DLGAP2: variants seen among roughly 807,000 people sequenced by gnomAD.
DLGAP2 encodes disks large-associated protein 2.
A neutral mutation model predicts 100.3 loss-of-function variants in DLGAP2; 26 were observed. The ratio of observed to expected loss-of-function variants is 0.26; its 90% CI spans 0.19 to 0.36. The LOEUF is 0.36. Ranked by LOEUF, DLGAP2 falls within the 10% of genes least tolerant of loss-of-function variation. DLGAP2 has a pLI of 1.00. For missense variants in DLGAP2, 1,858 were observed against 1,453.2 expected, an observed-to-expected ratio of 1.28 and a Z score of -4.53; for synonymous variants, 886 against 630.1, an observed-to-expected ratio of 1.41 and a Z score of -6.08.
At position 1,311,955 on chromosome 8, in the gene DLGAP2, A is replaced by G. The variant is rs1257055845; in HGVS notation, c.106+53072A>G. Among the ~76,000 whole-genome samples the G allele has an allele frequency of 2.0e-5, 3 of 152,350 alleles. No individual in the cohort carries two copies. In the East Asian group the frequency reaches 5.8e-4, roughly 29 times the overall value. On this transcript the variant is annotated intron_variant, in intron 3 of 14. Transcript: ENST00000637795. Reference sequence around the variant, plus strand: ...TAGATGAGTCCACCATTAATGCTGGAGATTTTGAGTGTCTGCTCTCAGTAA... The same window carrying G: ...TAGATGAGTCCACCATTAATGCTGGGGATTTTGAGTGTCTGCTCTCAGTAA...
At chr8:1,431,601 TAA>T (rs1371262641) in intron 3 of DLGAP2, among the ~76,000 whole-genome samples, 1 of 152,200 alleles carries the variant, frequency 6.6e-6, no homozygotes, top group African/African-American at 2.4e-5. Context: ...TCCACCTGTA[TAA>T]AGAGTCAGCT....
intron 1 of DLGAP2, among the ~76,000 whole-genome samples, chr8:792,490 A>C (rs11137104): frequency 0.48 from 72,836 of 152,076 alleles, 18,093 homozygotes; most frequent in Admixed American, 0.59. Flanking sequence ...CTAATGTTTC[A>C]TCATTGCATG....
At chr8:1,678,872 TC>T in intron 12 of DLGAP2, 1 of 443,346 alleles carries the variant, frequency 2.3e-6, no homozygotes, top group Non-Finnish European at 3.9e-6. Context: ...GAATAGAAAA[TC>T]AACTGTGCTA....
At chr8:1,175,784 A>G (rs1797239286) in intron 2 of DLGAP2, among the ~76,000 whole-genome samples, 1 of 152,242 alleles carries the variant, frequency 6.6e-6, no homozygotes, top group South Asian at 2.1e-4. Flanking sequence ...TCATCGGGAA[A>G]GTAAATCTTA....
intron 2 of DLGAP2, among the ~76,000 whole-genome samples, chr8:1,168,645 T>A (rs559287756): frequency 6.8e-6 from 1 of 146,720 alleles, no homozygotes; most frequent in African/African-American, 2.6e-5. Context: ...TGGTGAGCAT[T>A]TTTTCATGTG....
chr8:1,460,849 G>T (rs1044581023), intron 3 of DLGAP2, among the ~76,000 whole-genome samples: 1 of 152,172 alleles, frequency 6.6e-6, no homozygotes, highest in Non-Finnish European at 1.5e-5. Context: ...TACTCATCTG[G>T]GTGGCCAGTG....
At chr8:957,528 T>C (rs1313410005) in intron 2 of DLGAP2, among the ~76,000 whole-genome samples, 1 of 152,246 alleles carries the variant, frequency 6.6e-6, no homozygotes, top group Non-Finnish European at 1.5e-5. Flanking sequence ...GTATTTGGAT[T>C]GTGTCCATGT....
chr8:997,902 A>T (rs1488107584), intron 2 of DLGAP2, among the ~76,000 whole-genome samples: 1 of 149,964 alleles, frequency 6.7e-6, no homozygotes, highest in Admixed American at 6.7e-5. Context: ...ACCCATGCAC[A>T]TGCATGCATA....
chr8:1,219,684 G>GT (rs996638046), intron 2 of DLGAP2, among the ~76,000 whole-genome samples: 5 of 152,074 alleles, frequency 3.3e-5, no homozygotes, highest in Non-Finnish European at 1.5e-5. Context: ...AGTTTTGTTG[G>GT]TTTTGTACCA....
At chr8:1,447,013 A>G (rs1416138264) in intron 3 of DLGAP2, among the ~76,000 whole-genome samples, 1 of 152,212 alleles carries the variant, frequency 6.6e-6, no homozygotes, top group African/African-American at 2.4e-5. Flanking sequence ...GGGGTTTTCT[A>G]GATATACAAT....
At chr8:1,151,997 C>T (rs1355616745) in intron 2 of DLGAP2, among the ~76,000 whole-genome samples, 1 of 152,226 alleles carries the variant, frequency 6.6e-6, no homozygotes, top group East Asian at 1.9e-4. Flanking sequence ...TTTCTCACCT[C>T]AACCTCACTA....
At chr8:1,091,654 T>G (rs535779881) in intron 2 of DLGAP2, among the ~76,000 whole-genome samples, 1 of 152,304 alleles carries the variant, frequency 6.6e-6, no homozygotes, top group African/African-American at 2.4e-5. Flanking sequence ...TGCATCATGA[T>G]GCCGGATGCT....
intron 2 of DLGAP2, among the ~76,000 whole-genome samples, chr8:1,082,128 A>G (rs1001272802): frequency 6.6e-6 from 1 of 152,174 alleles, no homozygotes; most frequent in Non-Finnish European, 1.5e-5. Context: ...GGCTGTGTGC[A>G]GTTTACATAG....
At chr8:1,636,193 G>A (rs1392602838) in intron 8 of DLGAP2, among the ~76,000 whole-genome samples, 1 of 152,120 alleles carries the variant, frequency 6.6e-6, no homozygotes, top group Non-Finnish European at 1.5e-5. Context: ...GATTTTTCTA[G>A]GGAGGGAATA....
At chr8:1,370,682 G>A (rs1802216611) in intron 3 of DLGAP2, among the ~76,000 whole-genome samples, 1 of 152,190 alleles carries the variant, frequency 6.6e-6, no homozygotes, top group Non-Finnish European at 1.5e-5. Context: ...CTGTTCCTGG[G>A]ATCACCCCAG....
intron 1 of DLGAP2, among the ~76,000 whole-genome samples, chr8:746,242 G>T (rs1435164361): frequency 6.6e-6 from 1 of 152,214 alleles, no homozygotes; most frequent in Non-Finnish European, 1.5e-5. Flanking sequence ...ATTTATTTTC[G>T]ATGTTTTCTG....
At chr8:1,248,642 A>G (rs942261358) in intron 2 of DLGAP2, 16 of 151,980 alleles carry the variant, frequency 1.1e-4, no homozygotes, top group African/African-American at 3.4e-4. Context: ...CTTTGAGATC[A>G]GTGTGGGAGG....
At chr8:1,017,559 G>GTGTGTGTGACCAGGACAGACGCCTCCAC (rs1801496481) in intron 2 of DLGAP2, among the ~76,000 whole-genome samples, 2 of 121,584 alleles carry the variant, frequency 1.6e-5, no homozygotes, top group African/African-American at 3.8e-5. Flanking sequence ...TGCCTCCACT[G>GTGTGTGTGACCAGGACAGACGCCTCCAC]TGTGTGTGAC....
intron 3 of DLGAP2, among the ~76,000 whole-genome samples, chr8:1,469,153 A>G (rs1461207982): frequency 2.6e-5 from 4 of 152,226 alleles, no homozygotes; most frequent in Non-Finnish European, 4.4e-5. Context: ...AGCACCAGGC[A>G]GAGGCCTGCC....
Sources: gnomAD v4.1 joint callset for allele counts (sites outside exome capture counted in the v4.1 genomes callset) on GRCh38, gnomAD v4.1.1 for gene constraint, MANE v1.5 for transcripts, NCBI Gene and HGNC (gene_info 2026-07-23, HGNC 2026-07-21) for gene names.